FAM135B: variants seen among roughly 807,000 people sequenced by gnomAD.
The protein encoded by FAM135B is family with sequence similarity 135 member B.
FAM135B carries 43 observed loss-of-function variants against 127.7 expected under a neutral mutation model. The ratio of observed to expected loss-of-function variants is 0.34; its 90% CI spans 0.26 to 0.43. FAM135B has a LOEUF of 0.43. FAM135B is among the 20% of genes least tolerant of loss of function. The pLI, the probability that FAM135B is intolerant of heterozygous loss-of-function variation, is 1.00. For synonymous variants in FAM135B, 670 were observed against 665.1 expected (o/e 1.01, Z -0.11); for missense variants, 1,558 against 1,725.6 (o/e 0.90, Z 1.72).
chr8:138,393,302 T>C (rs1429971898), intron 1 of FAM135B, among the ~76,000 whole-genome samples: 4 of 152,094 alleles, frequency 2.6e-5, no homozygotes, highest in African/African-American at 9.7e-5. Flanking sequence ...AGTGACTCTT[T>C]CAAAAAATTC....
At chr8:138,215,610 G>A (rs1176245414) in intron 7 of FAM135B, among the ~76,000 whole-genome samples, 1 of 152,182 alleles carries the variant, frequency 6.6e-6, no homozygotes, top group East Asian at 1.9e-4. Flanking sequence ...AAGTTGCAGA[G>A]GCGTTATCAG....
Position 138,173,434 on chromosome 8 carries a change from G to A in FAM135B, c.1103+3913C>T, listed in dbSNP as rs183610912. Among the ~76,000 whole-genome samples the A allele has an allele frequency of 2.0e-5, 3 of 152,272 alleles. No homozygotes were observed. The East Asian group carries it at 5.8e-4, about 30-fold the overall frequency. On this transcript the variant is annotated intron_variant, in intron 11 of 19. Coordinates refer to ENST00000395297, the MANE Select transcript of FAM135B (RefSeq NM_015912.4). ...TCTGGGCTCCAACAGATCCATGCTTGTGTCGCTTGCTGGCTGTGTGGTCTA... is the reference window on the plus strand; with the variant it reads ...TCTGGGCTCCAACAGATCCATGCTTATGTCGCTTGCTGGCTGTGTGGTCTA...
At chr8:138,422,328 A>G (rs1834561107) in intron 1 of FAM135B, among the ~76,000 whole-genome samples, 1 of 152,192 alleles carries the variant, frequency 6.6e-6, no homozygotes, top group South Asian at 2.1e-4. Flanking sequence ...AATAGATTAA[A>G]CAGAAAACCT....
intron 7 of FAM135B, among the ~76,000 whole-genome samples, chr8:138,202,063 T>G (rs1412386416): frequency 7.6e-6 from 1 of 130,836 alleles, no homozygotes; most frequent in Non-Finnish European, 1.5e-5. Flanking sequence ...AGGTGGAGGT[T>G]GCGGTGAGCA....
At chr8:138,244,657 A>T (rs907756367) in intron 6 of FAM135B, among the ~76,000 whole-genome samples, 4 of 152,236 alleles carry the variant, frequency 2.6e-5, no homozygotes, top group African/African-American at 9.6e-5. Flanking sequence ...TAATTTAGCT[A>T]TAAGATGGAT....
chr8:138,336,411 A>G (rs1828592045), intron 2 of FAM135B, among the ~76,000 whole-genome samples: 1 of 152,166 alleles, frequency 6.6e-6, no homozygotes. Context: ...GCAATAAAAA[A>G]TAACAAAGGG....
chr8:138,143,041 C>T lies in FAM135B; in HGVS notation c.3609G>A (p.Gln1203=). 7 of 1,606,908 alleles carry T rather than the reference C, an allele frequency of 4.4e-6. No individual in the cohort carries two copies. In the South Asian group the frequency reaches 6.6e-5, roughly 15 times the overall value. ...TTCGGGATATGGAGAGGTTGTACAA[C>T]TGAATGTGTTGAATGATTTCATCCA... The part of the protein sequence containing the change: ...RLLDEIIQHI[Q]LYNLSISRIS... Residue 1203 remains glutamine, a synonymous_variant, in exon 16 of 20, where the codon CAG becomes CAA. Transcript: ENST00000395297.
chr8:138,247,148 C>A (rs181837403), intron 6 of FAM135B, among the ~76,000 whole-genome samples: 1 of 152,060 alleles, frequency 6.6e-6, no homozygotes, highest in South Asian at 2.1e-4. Flanking sequence ...GATGAGACTT[C>A]GGACTTGGAC....
rs1410748201 is a variant in FAM135B at position 138,380,084 on chromosome 8, C to T, written c.-19-12082G>A. Among the ~76,000 whole-genome samples, 2 of 152,240 alleles carry T rather than the reference C, an allele frequency of 1.3e-5. 1 individual carries two copies. The highest frequency in any genetic ancestry group is 1.3e-4 in the Admixed American group (2 of 15,282). On this transcript the variant is annotated intron_variant, in intron 1 of 19. Coordinates refer to ENST00000395297, the MANE Select transcript of FAM135B (RefSeq NM_015912.4). ...ACCGCACCCAATTCAAGTTGAATCACATGAAGGCATCAGCAGGCTTAGTAT... is the reference window on the plus strand; with the variant it reads ...ACCGCACCCAATTCAAGTTGAATCATATGAAGGCATCAGCAGGCTTAGTAT...
In FAM135B at chr8:138,381,488, G is replaced by A. The variant is rs146234482; in HGVS notation, c.-19-13486C>T. On this transcript the variant is annotated intron_variant, in intron 1 of 19. Coordinates refer to ENST00000395297, the MANE Select transcript of FAM135B (RefSeq NM_015912.4). ...AATAGCCCTGAATAGGTTATGCTCTGAAAGCATCTTTATTTTCAGGTTAGG... is the reference window on the plus strand; with the variant it reads ...AATAGCCCTGAATAGGTTATGCTCTAAAAGCATCTTTATTTTCAGGTTAGG... 4.1e-3 allele frequency among the ~76,000 whole-genome samples: 623 copies of A among 152,286 alleles called. 4 individuals carry two copies. The highest frequency in any genetic ancestry group is 0.014 in the African/African-American group (578 of 41,546).
At chr8:138,225,519 T>C (rs1436319940) in intron 7 of FAM135B, among the ~76,000 whole-genome samples, 1 of 151,870 alleles carries the variant, frequency 6.6e-6, no homozygotes, top group African/African-American at 2.4e-5. Context: ...ACTTTTTCAA[T>C]TCTCAGGTGC....
chr8:138,423,572 G>A (rs1340955942), intron 1 of FAM135B, among the ~76,000 whole-genome samples: 3 of 152,152 alleles, frequency 2.0e-5, no homozygotes, highest in Non-Finnish European at 4.4e-5. Flanking sequence ...GTGGGTCACA[G>A]AGATCATCAG....
chr8:138,184,691 G>A (rs564444033), intron 9 of FAM135B, among the ~76,000 whole-genome samples: 53 of 152,244 alleles, frequency 3.5e-4, no homozygotes, highest in Non-Finnish European at 5.7e-4. Flanking sequence ...CCAGCTTCAC[G>A]GCATGGCAGA....
At chr8:138,325,237 G>T (rs1827720991) in intron 2 of FAM135B, among the ~76,000 whole-genome samples, 1 of 152,154 alleles carries the variant, frequency 6.6e-6, no homozygotes, top group Non-Finnish European at 1.5e-5. Context: ...TGTTTAAATG[G>T]AGCCTCCGCA....
chr8:138,266,301 C>A (rs1822917350), intron 3 of FAM135B, among the ~76,000 whole-genome samples: 1 of 152,170 alleles, frequency 6.6e-6, no homozygotes, highest in East Asian at 1.9e-4. Flanking sequence ...GCTTGCACAT[C>A]ATGCATGTCA....
chr8:138,171,170 T>C (rs1820403687), intron 11 of FAM135B, among the ~76,000 whole-genome samples: 1 of 152,330 alleles, frequency 6.6e-6, no homozygotes, highest in South Asian at 2.1e-4. Flanking sequence ...TGTCCTAATA[T>C]ATTTCTTCTC....
intron 1 of FAM135B, among the ~76,000 whole-genome samples, chr8:138,442,445 A>C (rs1480654653): frequency 6.6e-6 from 1 of 151,562 alleles, no homozygotes; most frequent in Admixed American, 6.6e-5. Flanking sequence ...ATGCTGTTTA[A>C]CATCCTCTTT....
At chr8:138,240,489 C>G (rs148483455) in intron 7 of FAM135B, among the ~76,000 whole-genome samples, 1 of 152,298 alleles carries the variant, frequency 6.6e-6, no homozygotes, top group East Asian at 1.9e-4. Flanking sequence ...TCTGTGTGGC[C>G]TCAGTGTCTT....
At chr8:138,146,699 G>GA (rs989839275) in intron 14 of FAM135B, among the ~76,000 whole-genome samples, 16 of 149,420 alleles carry the variant, frequency 1.1e-4, no homozygotes, top group Admixed American at 3.3e-4. Flanking sequence ...AAAGTCATGT[G>GA]AAAAAAAAAT....
Sources: gnomAD v4.1 joint callset for allele counts (sites outside exome capture counted in the v4.1 genomes callset) on GRCh38, gnomAD v4.1.1 for gene constraint, MANE v1.5 for transcripts, NCBI Gene and HGNC (gene_info 2026-07-23, HGNC 2026-07-21) for gene names.